COLEC12: variants seen among roughly 807,000 people sequenced by gnomAD.
COLEC12 encodes collectin-12.
Under a neutral mutation model 71.1 loss-of-function variants are expected in COLEC12, and 33 were observed. The ratio of observed to expected loss-of-function variants is 0.46; its 90% CI spans 0.35 to 0.62. The LOEUF (loss-of-function observed/expected upper bound fraction) is 0.62, where lower values mean the gene tolerates loss of function less well. Among genes scored for constraint, COLEC12 ranks in the 20% least tolerant of loss-of-function variants. The probability of loss-of-function intolerance (pLI) is 0.00; values close to 1 mark genes in which losing one functional copy is unlikely to be tolerated. For missense variants in COLEC12, 765 were observed against 916.1 expected, an observed-to-expected ratio of 0.84 and a Z score of 2.13; for synonymous variants, 350 against 353.0, an observed-to-expected ratio of 0.99 and a Z score of 0.10.
chr18:372,871 G>A (rs1275217020), intron 2 of COLEC12, among the ~76,000 whole-genome samples: 1 of 152,226 alleles, frequency 6.6e-6, no homozygotes, highest in East Asian at 1.9e-4. Context: ...GGATCCACAT[G>A]TAGTCCCATA....
chr18:440,187 G>C (rs140282698), intron 2 of COLEC12, among the ~76,000 whole-genome samples: 1 of 152,266 alleles, frequency 6.6e-6, no homozygotes, highest in Non-Finnish European at 1.5e-5. Flanking sequence ...AAGTAGAACA[G>C]TAGTTGCGAC....
intron 2 of COLEC12, among the ~76,000 whole-genome samples, chr18:471,529 T>A (rs906522592): frequency 3.9e-5 from 6 of 151,918 alleles, no homozygotes; most frequent in African/African-American, 1.4e-4. Flanking sequence ...TAGCTTCATT[T>A]ATAGCAAAGT....
At chr18:409,931 G>A (rs1598354634) in intron 2 of COLEC12, among the ~76,000 whole-genome samples, 1 of 152,236 alleles carries the variant, frequency 6.6e-6, no homozygotes, top group Admixed American at 6.5e-5. Flanking sequence ...GGCATGTGGC[G>A]GGGAGAAAAA....
At chr18:393,556 C>A (rs1172520692) in intron 2 of COLEC12, among the ~76,000 whole-genome samples, 2 of 152,228 alleles carry the variant, frequency 1.3e-5, no homozygotes, top group Non-Finnish European at 2.9e-5. Context: ...CACCGACCTG[C>A]AACATTCCTT....
At chr18:366,514 T>C (rs1214503461) in intron 2 of COLEC12, among the ~76,000 whole-genome samples, 2 of 152,218 alleles carry the variant, frequency 1.3e-5, no homozygotes, top group Non-Finnish European at 2.9e-5. Flanking sequence ...GTGTAGTTGA[T>C]ACTGCACACA....
At chr18:383,109 G>A (rs989688083) in intron 2 of COLEC12, among the ~76,000 whole-genome samples, 3 of 152,148 alleles carry the variant, frequency 2.0e-5, no homozygotes, top group African/African-American at 7.2e-5. Context: ...GGGCAAGTCT[G>A]TCTAATCTGG....
chr18:492,133 T>C (rs1917630440), intron 1 of COLEC12, among the ~76,000 whole-genome samples: 1 of 152,208 alleles, frequency 6.6e-6, no homozygotes, highest in South Asian at 2.1e-4. Flanking sequence ...AGGAGATTCA[T>C]TTTGATTACT....
rs555441617 is a variant in COLEC12, at chr18:390,027, G to A, written c.59-32505C>T. 4.9e-4 allele frequency among the ~76,000 whole-genome samples: 74 copies of A among 152,292 alleles called. 1 individual carries two copies. Among genetic ancestry groups the A allele is most frequent in the Admixed American group, 1.7e-3 (26 of 15,290 alleles). On this transcript the variant is annotated intron_variant, in intron 2 of 9. Coordinates refer to ENST00000400256, the MANE Select transcript of COLEC12 (RefSeq NM_130386.3). Reference sequence around the variant, plus strand: ...TAAGGCTAAAGATAAGGTTCTGATGGAATTTTTTCTTTAATATTAAAGCAT... The same window carrying A: ...TAAGGCTAAAGATAAGGTTCTGATGAAATTTTTTCTTTAATATTAAAGCAT...
At chr18:489,842 C>A (rs1171480593) in intron 1 of COLEC12, among the ~76,000 whole-genome samples, 1 of 152,134 alleles carries the variant, frequency 6.6e-6, no homozygotes, top group East Asian at 1.9e-4. Context: ...GAGAACAAAA[C>A]CCTCTTCTGC....
Position 434,782 on chromosome 18 carries a change from C to T in COLEC12, c.58+45925G>A, listed in dbSNP as rs545958154. On this transcript the variant is annotated intron_variant, in intron 2 of 9. Transcript: ENST00000400256. ...CATACAGTGGCTCTTTTTTTCCTTA[C>T]AGACTCCTTCAAATAGCTTTTAATG... is the stretch of plus-strand genomic sequence containing the variant. 2.4e-3 allele frequency among the ~76,000 whole-genome samples: 360 copies of T among 152,240 alleles called. 3 individuals are homozygous for T. The highest frequency in any genetic ancestry group is 7.2e-3 in the Admixed American group (110 of 15,296).
chr18:481,911 T>G (rs1917424839), intron 1 of COLEC12, among the ~76,000 whole-genome samples: 1 of 152,106 alleles, frequency 6.6e-6, no homozygotes, highest in Non-Finnish European at 1.5e-5. Flanking sequence ...ACACTTTTTT[T>G]TTTCTTTCCA....
intron 5 of COLEC12, among the ~76,000 whole-genome samples, chr18:337,063 C>T (rs183406418): frequency 6.6e-6 from 1 of 151,486 alleles, no homozygotes; most frequent in African/African-American, 2.4e-5. Flanking sequence ...AGAGATAGGG[C>T]TCTCACTGTG....
chr18:323,894 T>C (rs1350645778), intron 8 of COLEC12, among the ~76,000 whole-genome samples: 1 of 152,196 alleles, frequency 6.6e-6, no homozygotes, highest in African/African-American at 2.4e-5. Flanking sequence ...ATAAAAAGGA[T>C]GTATCAACCA....
chr18:438,401 CA>C (rs1367511171), intron 2 of COLEC12, among the ~76,000 whole-genome samples: 2 of 152,128 alleles, frequency 1.3e-5, no homozygotes, highest in Non-Finnish European at 2.9e-5. Flanking sequence ...CAATTTTAAA[CA>C]TACTAAAACC....
chr18:486,757 T>C (rs1480269), intron 1 of COLEC12, among the ~76,000 whole-genome samples: 51,819 of 151,998 alleles, frequency 0.34, 9,197 homozygotes, highest in Middle Eastern at 0.43. Context: ...GAGGCTAAAA[T>C]AGGAGGACTG....
intron 2 of COLEC12, among the ~76,000 whole-genome samples, chr18:422,881 T>G (rs1916125528): frequency 6.6e-6 from 1 of 152,206 alleles, no homozygotes; most frequent in African/African-American, 2.4e-5. Context: ...TTATATAAAC[T>G]TCTTAGTTTT....
At position 445,501 on chromosome 18, in the gene COLEC12, C is replaced by T. The variant is rs1916629557; in HGVS notation, c.58+35206G>A. The stretch of plus-strand genomic sequence containing the variant: ...GTACAATATGCCCATTTAAAGTATA[C>T]AATTCAATGGTTTTTAGTATATTCA... On this transcript the variant is annotated intron_variant, in intron 2 of 9. Coordinates refer to ENST00000400256, the MANE Select transcript of COLEC12 (RefSeq NM_130386.3). Among the ~76,000 whole-genome samples the T allele has an allele frequency of 1.3e-5, 2 of 152,096 alleles. 1 individual carries two copies. The highest frequency in any genetic ancestry group is 4.1e-4 in the South Asian group (2 of 4,828).
intron 2 of COLEC12, among the ~76,000 whole-genome samples, chr18:387,470 A>AT (rs975978257): frequency 2.9e-4 from 42 of 146,526 alleles, no homozygotes; most frequent in South Asian, 6.5e-4. Flanking sequence ...CTAGAACTCC[A>AT]TTTTTTTTTT....
In COLEC12 at chr18:426,424, T is replaced by C. The variant is rs371410308; in HGVS notation, c.58+54283A>G. ...GTAAGTTGTAGGTAATGAAGAGCAA[T>C]GTAAGTGATTTTTACTCATAGACAT... On this transcript the variant is annotated intron_variant, in intron 2 of 9. Transcript: ENST00000400256. Among the ~76,000 whole-genome samples the C allele has an allele frequency of 3.3e-5, 5 of 152,146 alleles. No individual in the cohort carries two copies. In the South Asian group the frequency reaches 6.2e-4, roughly 19 times the overall value.
Sources: allele counts gnomAD v4.1 joint callset (sites outside exome capture counted in the v4.1 genomes callset), GRCh38; gene constraint gnomAD v4.1.1; transcripts MANE v1.5; gene names NCBI Gene and HGNC (gene_info 2026-07-23, HGNC 2026-07-21).